The following PRKG1 variants were observed in gnomAD, a reference collection of about 807,000 sequenced individuals.
PRKG1 encodes protein kinase cGMP-dependent 1, also known as cGMP-dependent protein kinase 1.
Under a neutral mutation model 88.1 loss-of-function variants are expected in PRKG1, and 35 were observed. That is an observed-to-expected ratio of 0.40 (90% CI 0.30 to 0.53). PRKG1 has a LOEUF of 0.53. Among genes scored for constraint, PRKG1 ranks in the 20% least tolerant of loss-of-function variants. The probability of loss-of-function intolerance (pLI) is 0.59; values close to 1 mark genes in which losing one functional copy is unlikely to be tolerated. For synonymous variants in PRKG1, 303 were observed against 292.5 expected, an observed-to-expected ratio of 1.04 and a Z score of -0.37; for missense variants, 540 against 839.8, an observed-to-expected ratio of 0.64 and a Z score of 4.41.
At chr10:52,186,096 A>G (rs146949611) in intron 9 of PRKG1, among the ~76,000 whole-genome samples, 8 of 152,338 alleles carry the variant, frequency 5.3e-5, no homozygotes, top group African/African-American at 1.4e-4. Flanking sequence ...TTGCATTGCT[A>G]TAAAGAAATA....
intron 3 of PRKG1, among the ~76,000 whole-genome samples, chr10:51,597,555 A>G (rs1838485482): frequency 6.6e-6 from 1 of 152,226 alleles, no homozygotes; most frequent in Non-Finnish European, 1.5e-5. Context: ...ATCACATTGA[A>G]TGAAGCTTCT....
chr10:51,834,692 GAA>G (rs1168597420), intron 4 of PRKG1, among the ~76,000 whole-genome samples: 6 of 120,404 alleles, frequency 5.0e-5, no homozygotes, highest in Non-Finnish European at 8.4e-5. Context: ...AAGAAAGAAA[GAA>G]AGAGAGAGAG....
chr10:52,136,313 A>G (rs931731213), intron 8 of PRKG1, among the ~76,000 whole-genome samples: 1 of 152,064 alleles, frequency 6.6e-6, no homozygotes, highest in Non-Finnish European at 1.5e-5. Flanking sequence ...ATATATATGT[A>G]TTTTTGATTT....
intron 4 of PRKG1, among the ~76,000 whole-genome samples, chr10:51,877,143 C>T (rs1208064013): frequency 2.0e-5 from 3 of 152,028 alleles, no homozygotes; most frequent in Non-Finnish European, 4.4e-5. Flanking sequence ...TCCCATGTTG[C>T]GCAAACTGGT....
intron 3 of PRKG1, chr10:51,698,595 C>T (rs1841371730): frequency 6.2e-7 from 1 of 1,613,844 alleles, no homozygotes; most frequent in East Asian, 2.2e-5. Flanking sequence ...CCAGGAGTCA[C>T]GGGTCCGCGA....
chr10:51,702,467 T>G (rs561649119), intron 3 of PRKG1, among the ~76,000 whole-genome samples: 1 of 152,336 alleles, frequency 6.6e-6, no homozygotes, highest in African/African-American at 2.4e-5. Context: ...ACATCCATTT[T>G]TATACTGCTT....
intron 1 of PRKG1, among the ~76,000 whole-genome samples, chr10:51,050,816 G>A (rs1008461206): frequency 6.6e-6 from 1 of 151,930 alleles, no homozygotes; most frequent in Admixed American, 6.6e-5. Flanking sequence ...GCCAATTCTT[G>A]TTATCTATTT....
intron 3 of PRKG1, among the ~76,000 whole-genome samples, chr10:51,552,376 A>G (rs2132130323): frequency 6.6e-6 from 1 of 151,640 alleles, no homozygotes; most frequent in Non-Finnish European, 1.5e-5. Flanking sequence ...TATACCTTGG[A>G]TTTCTTGGTA....
intron 3 of PRKG1, among the ~76,000 whole-genome samples, chr10:51,777,376 A>G (rs1838467766): frequency 6.6e-6 from 1 of 152,088 alleles, no homozygotes; most frequent in Admixed American, 6.6e-5. Context: ...TCTCATTCCC[A>G]CAAAATAGGA....
chr10:51,983,799 A>G (rs1177085465), intron 5 of PRKG1, among the ~76,000 whole-genome samples: 2 of 152,220 alleles, frequency 1.3e-5, no homozygotes, highest in East Asian at 3.8e-4. Context: ...CATGGCGAGA[A>G]GAGCTTGCGC....
intron 1 of PRKG1, among the ~76,000 whole-genome samples, chr10:51,028,443 G>A (rs1021615319): frequency 1.3e-5 from 2 of 152,126 alleles, no homozygotes; most frequent in African/African-American, 4.8e-5. Flanking sequence ...CTGTTGATTG[G>A]ATTTGGCTGT....
At chr10:52,260,196 A>T (rs1394125191) in intron 10 of PRKG1, among the ~76,000 whole-genome samples, 1 of 152,028 alleles carries the variant, frequency 6.6e-6, no homozygotes, top group Non-Finnish European at 1.5e-5. Context: ...AGGGGGTACA[A>T]ATGGTTTTCG....
At chr10:51,995,365 C>T (rs1844413432) in intron 5 of PRKG1, among the ~76,000 whole-genome samples, 1 of 152,104 alleles carries the variant, frequency 6.6e-6, no homozygotes, top group Non-Finnish European at 1.5e-5. Context: ...AACTGTTAGA[C>T]AACTTAAATT....
intron 10 of PRKG1, chr10:52,252,395 ACT>A (rs1841194606): frequency 6.6e-6 from 1 of 151,984 alleles, no homozygotes; most frequent in East Asian, 1.9e-4. Flanking sequence ...AAAAAAATGT[ACT>A]CTTATGACTA....
intron 1 of PRKG1, among the ~76,000 whole-genome samples, chr10:51,068,188 G>A (rs530145861): frequency 2.6e-4 from 39 of 152,102 alleles, no homozygotes; most frequent in African/African-American, 9.1e-4. Context: ...TGGATTTCTG[G>A]ATTTCCATCT....
chr10:51,410,362 A>G (rs1441140599), intron 2 of PRKG1, among the ~76,000 whole-genome samples: 1 of 151,810 alleles, frequency 6.6e-6, no homozygotes, highest in East Asian at 1.9e-4. Flanking sequence ...CAAGCTGAGG[A>G]GCAAGGAGAG....
chr10:51,956,880 T>C (rs1216776367), intron 5 of PRKG1, among the ~76,000 whole-genome samples: 1 of 152,170 alleles, frequency 6.6e-6, no homozygotes, highest in Non-Finnish European at 1.5e-5. Context: ...TATATGTTAC[T>C]AGCCCTGAAA....
chr10:51,832,266 A>G (rs879286824), intron 4 of PRKG1, among the ~76,000 whole-genome samples: 3 of 152,216 alleles, frequency 2.0e-5, no homozygotes, highest in African/African-American at 4.8e-5. Context: ...CATGCTTATT[A>G]CACAAAGCAA....
chr10:51,715,710 C>A (rs1029449898), intron 3 of PRKG1, among the ~76,000 whole-genome samples: 2 of 152,140 alleles, frequency 1.3e-5, no homozygotes, highest in African/African-American at 4.8e-5. Context: ...TCTATGATTG[C>A]ACCAAGATTC....
Sources: gnomAD v4.1 joint callset for allele counts (sites outside exome capture counted in the v4.1 genomes callset) on GRCh38, gnomAD v4.1.1 for gene constraint, MANE v1.5 for transcripts, NCBI Gene and HGNC (gene_info 2026-07-23, HGNC 2026-07-21) for gene names.